Variants in THRA observed in about 807,000 individuals in gnomAD.
THRA encodes thyroid hormone receptor alpha.
Under a neutral mutation model 45.0 loss-of-function variants are expected in THRA, and 13 were observed. The observed-to-expected ratio is 0.29, with a 90% CI of 0.19 to 0.46. The LOEUF (loss-of-function observed/expected upper bound fraction) is 0.46. THRA is among the 20% of genes least tolerant of loss of function. The pLI, the probability that THRA is intolerant of heterozygous loss-of-function variation, is 1.00. For synonymous variants in THRA, 195 were observed against 214.0 expected, an observed-to-expected ratio of 0.91 and a Z score of 0.78; for missense variants, 278 against 556.1, an observed-to-expected ratio of 0.50 and a Z score of 5.03.
intron 1 of THRA, among the ~76,000 whole-genome samples, chr17:40,064,634 AT>A (rs1986487189): frequency 6.6e-6 from 1 of 152,236 alleles, no homozygotes; most frequent in South Asian, 2.1e-4. Flanking sequence ...GGTGTAAAGC[AT>A]GCATTCCCAA....
Position 40,084,670 on chromosome 17 carries a change from G to A in THRA, c.431G>A (p.Arg144Gln), listed in dbSNP as rs550708358. Residue 144 changes from arginine to glutamine, a missense_variant, in exon 6 of 9, where the codon CGG becomes CAG. Physicochemically the swap from Arg to Gln is conservative, Grantham distance 43. Coordinates refer to ENST00000450525, the MANE Select transcript of THRA (RefSeq NM_199334.5). ...KRKLIEQNRE[R>Q]RRKEEMIRSL... ...AAGCTGATTGAGCAGAACCGGGAGC[G>A]GCGGCGGAAGGAGGAGATGATCCGA... 3.1e-6 allele frequency: 5 copies of A among 1,614,056 alleles called. No homozygotes were observed. Among genetic ancestry groups the A allele is most frequent in the East Asian group, 2.2e-5 (1 of 44,858 alleles).
chr17:40,073,755 T>A (rs765768466), intron 1 of THRA, among the ~76,000 whole-genome samples: 1 of 152,132 alleles, frequency 6.6e-6, no homozygotes, highest in Non-Finnish European at 1.5e-5. Context: ...CTATGTCCCA[T>A]CCTTCCTTCA....
At position 40,089,429 on chromosome 17, in the gene THRA, C is replaced by T. The variant is rs763041802; in HGVS notation, c.1206C>T (p.Leu402=). The part of the protein sequence containing the change: ...CPTELFPPLF[L]EVFEDQEV ...CCGAACTCTTCCCCCCACTCTTCCT[C>T]GAGGTCTTTGAGGATCAGGAAGTCT... Residue 402 remains leucine (L), a synonymous_variant, in exon 9 of 9, where the codon CTC becomes CTT. Coordinates refer to ENST00000450525, the MANE Select transcript of THRA (RefSeq NM_199334.5). This position sits in a 1 kb window ranked among gnomAD's most constrained non-coding sequence, Gnocchi z 6.1. 3.1e-6 allele frequency: 5 copies of T among 1,614,046 alleles called. No homozygotes were observed. Among genetic ancestry groups the T allele is most frequent in the Admixed American group, 1.7e-5 (1 of 60,006 alleles).
At position 40,084,716 on chromosome 17, in the gene THRA, G is replaced by T. The variant is rs1252466405; in HGVS notation, c.477G>T (p.Glu159Asp). The change falls in exon 6 of 9, where the codon GAG (glutamate) becomes GAT (aspartate). Residue 159 changes from glutamate (E) to aspartate (D), a missense_variant. This residue lies in a region of THRA where 111 missense variants were observed against 167.1 expected (regional missense o/e 0.66). Transcript: ENST00000450525. Reference sequence around the variant, plus strand: ...TCCGATCACTGCAGCAGCGACCAGAGCCCACTCCTGAAGAGTGGGATCTGA... The same window carrying T: ...TCCGATCACTGCAGCAGCGACCAGATCCCACTCCTGAAGAGTGGGATCTGA... ...EMIRSLQQRP[E>D]PTPEEWDLIH... The T allele has an allele frequency of 1.2e-6, 2 of 1,614,122 alleles. No individual in the cohort carries two copies. Among genetic ancestry groups the T allele is most frequent in the Non-Finnish European group, 1.7e-6 (2 of 1,180,026 alleles).
intron 1 of THRA, among the ~76,000 whole-genome samples, chr17:40,064,423 A>G (rs1481452835): frequency 6.6e-6 from 1 of 152,244 alleles, no homozygotes; most frequent in East Asian, 1.9e-4. Context: ...GCCCAGTCAC[A>G]CAGACATCAT....
At chr17:40,084,020 C>T in intron 5 of THRA, 38 bp downstream of exon 5, 17 of 1,570,624 alleles carry the variant, frequency 1.1e-5, no homozygotes, top group Non-Finnish European at 1.5e-5. Context: ...GCCAGGTGGC[C>T]TGGGGTGGGG....
intron 1 of THRA, among the ~76,000 whole-genome samples, chr17:40,071,805 G>T (rs1366441582): frequency 1.3e-5 from 2 of 152,184 alleles, no homozygotes; most frequent in East Asian, 1.9e-4. Context: ...CTCCCCACAT[G>T]CTGGGCCCTC....
At chr17:40,076,122 C>T (rs563824482) in intron 2 of THRA, among the ~76,000 whole-genome samples, 17 of 152,316 alleles carry the variant, frequency 1.1e-4, no homozygotes, top group South Asian at 4.1e-4. Context: ...GCTAATAATA[C>T]GCTGCACAGA....
chr17:40,086,573 T>G, intron 6 of THRA, 134 bp from the exon 7 acceptor site: 1 of 1,107,380 alleles, frequency 9.0e-7, no homozygotes, highest in South Asian at 1.6e-5. Flanking sequence ...AAGGAAAAGC[T>G]TTGGGCCTGG....
Position 40,084,617 on chromosome 17 carries a change from A to G in THRA, c.378A>G (p.Leu126=). Residue 126 remains leucine (L), a synonymous_variant, in exon 6 of 9, where the codon CTA becomes CTG. Transcript: ENST00000450525. ...IAVGMAMDLV[L]DDSKRVAKRK... The stretch of plus-strand genomic sequence containing the variant: ...GTGCCTCTCTGTTCACAGTGGTTCT[A>G]GATGACTCGAAGCGGGTGGCCAAGC... 1 of 1,614,136 alleles carries G rather than the reference A, an allele frequency of 6.2e-7. No individual in the cohort carries two copies. The highest frequency in any genetic ancestry group is 8.5e-7 in the Non-Finnish European group (1 of 1,180,004).
At chr17:40,065,312 C>T (rs1291238191) in intron 1 of THRA, among the ~76,000 whole-genome samples, 1 of 152,140 alleles carries the variant, frequency 6.6e-6, no homozygotes, top group African/African-American at 2.4e-5. Context: ...GTTCCTGCGC[C>T]CCACCTTGAG....
At chr17:40,093,565 TTGC>T, downstream of THRA, 1 of 1,000,356 alleles carries the variant, frequency 1.0e-6, no homozygotes, top group Non-Finnish European at 1.4e-6. This position sits in a 1 kb window ranked among gnomAD's most constrained non-coding sequence, Gnocchi z 5.9. Flanking sequence ...CCCTTGCTTT[TTGC>T]TGTGTAGTTC....
intron 7 of THRA, among the ~76,000 whole-genome samples, chr17:40,087,280 GATAC>G (rs985898641): frequency 1.5e-5 from 2 of 129,408 alleles, no homozygotes; most frequent in African/African-American, 6.1e-5. Flanking sequence ...CAGCCACACA[GATAC>G]ATAGACACAC....
Position 40,092,817 on chromosome 17 carries a change from G to T in THRA, c.*3361G>T, listed in dbSNP as rs1598401066. On this transcript the variant is annotated 3_prime_UTR_variant, in exon 9 of 9. Transcript: ENST00000450525. ...CTCAGCTGTGAACTATTGGATTTGAGACAGGAACAGAACAAATCAGAGGGC... is the reference window on the plus strand; with the variant it reads ...CTCAGCTGTGAACTATTGGATTTGATACAGGAACAGAACAAATCAGAGGGC... The T allele has an allele frequency of 6.6e-6, 5 of 753,254 alleles. No homozygotes were observed. In the East Asian group the frequency reaches 1.4e-4, roughly 21 times the overall value. The allele number at this position is 753,254 out of a possible 1,614,324, so 46.7% of individuals were successfully genotyped here.
At chr17:40,073,866 A>G (rs1986861059) in intron 1 of THRA, among the ~76,000 whole-genome samples, 1 of 152,096 alleles carries the variant, frequency 6.6e-6, no homozygotes, top group Admixed American at 6.5e-5. Context: ...GAGGGGTGGT[A>G]ACAATAGCTA....
chr17:40,069,669 T>C (rs1006671694), intron 1 of THRA, among the ~76,000 whole-genome samples: 1 of 152,068 alleles, frequency 6.6e-6, no homozygotes, highest in Non-Finnish European at 1.5e-5. Flanking sequence ...TACTTGGATC[T>C]CCTGCCTCCA....
In THRA at chr17:40,090,725, G is replaced by A. The variant is rs1987501199; in HGVS notation, c.*1269G>A. ...TCTGGGCGGGCAGGTACCAGAATGGGGGTGTTTAGATAAGTGACACTTAGT... is the reference window on the plus strand; with the variant it reads ...TCTGGGCGGGCAGGTACCAGAATGGAGGTGTTTAGATAAGTGACACTTAGT... On this transcript the variant is annotated 3_prime_UTR_variant, in exon 9 of 9. Coordinates refer to ENST00000450525, the MANE Select transcript of THRA (RefSeq NM_199334.5). 6.6e-6 allele frequency: 1 copy of A among 152,272 alleles called. No individual in the cohort carries two copies. The highest frequency in any genetic ancestry group is 2.4e-5 in the African/African-American group (1 of 41,422). The allele number at this position is 152,272 out of a possible 1,614,324, so 9.4% of individuals were successfully genotyped here.
Position 40,081,702 on chromosome 17 carries a change from G to A in THRA, c.223-2133G>A, listed in dbSNP as rs546680504. Among the ~76,000 whole-genome samples, 7 of 152,056 alleles carry A rather than the reference G, an allele frequency of 4.6e-5. No homozygotes were observed. The South Asian group carries it at 6.2e-4, about 14-fold the overall frequency. Reference sequence around the variant, plus strand: ...GGCGAGGCTGGGTGCGGTGGCTCACGCCTGTAATCCCAGCACTTTGGGAGG... The same window carrying A: ...GGCGAGGCTGGGTGCGGTGGCTCACACCTGTAATCCCAGCACTTTGGGAGG... On this transcript the variant is annotated intron_variant, in intron 4 of 8. Coordinates refer to ENST00000450525, the MANE Select transcript of THRA (RefSeq NM_199334.5).
intron 7 of THRA, among the ~76,000 whole-genome samples, chr17:40,087,682 T>C (rs1187806854): frequency 6.6e-6 from 1 of 152,192 alleles, no homozygotes; most frequent in Non-Finnish European, 1.5e-5. Context: ...CTGGGGTAAG[T>C]TACCTCCATC....
Sources: allele counts gnomAD v4.1 joint callset (sites outside exome capture counted in the v4.1 genomes callset), GRCh38; gene constraint gnomAD v4.1.1; regional missense constraint gnomAD v4.1.1; non-coding constraint Gnocchi (gnomAD v3.1); transcripts MANE v1.5; gene names NCBI Gene and HGNC (gene_info 2026-07-23, HGNC 2026-07-21).